YWHAE: variants seen among roughly 807,000 people sequenced by gnomAD.
YWHAE encodes the protein tyrosine 3-monooxygenase/tryptophan 5-monooxygenase activation protein epsilon.
A neutral mutation model predicts 30.1 loss-of-function variants in YWHAE; 4 were observed. The ratio of observed to expected loss-of-function variants is 0.13; its 90% CI spans 0.07 to 0.30. YWHAE has a LOEUF of 0.30. Among genes scored for constraint, YWHAE ranks in the 10% least tolerant of loss-of-function variants. YWHAE has a pLI of 1.00. For synonymous variants in YWHAE, 118 were observed against 111.8 expected, an observed-to-expected ratio of 1.06 and a Z score of -0.35; for missense variants, 121 against 315.9, an observed-to-expected ratio of 0.38 and a Z score of 4.68.
intron 1 of YWHAE, among the ~76,000 whole-genome samples, chr17:1,392,240 T>C (rs2073399307): frequency 1.3e-5 from 2 of 152,060 alleles, no homozygotes; most frequent in South Asian, 4.2e-4. Context: ...CCAGGTATTG[T>C]GGTGCACAGC....
At chr17:1,345,548 C>G (rs187793767) in intron 5 of YWHAE, 49 bp from the exon 6 acceptor site, 7 of 1,578,718 alleles carry the variant, frequency 4.4e-6, no homozygotes, top group Non-Finnish European at 6.1e-6. Context: ...CTACATTAGG[C>G]TATGGCAGCC....
At chr17:1,378,318 G>A (rs2073153859) in intron 1 of YWHAE, among the ~76,000 whole-genome samples, 1 of 152,198 alleles carries the variant, frequency 6.6e-6, no homozygotes. Flanking sequence ...CAAATAATCT[G>A]ATTCAGCTTG....
intron 2 of YWHAE, 95 bp from the exon 3 acceptor site, chr17:1,362,103 G>T: frequency 1.4e-6 from 1 of 693,802 alleles, no homozygotes; most frequent in Admixed American, 3.7e-5. Context: ...AGAGAGCTTA[G>T]TATTAAAAAG....
chr17:1,348,622 C>G (rs1212546988), intron 5 of YWHAE, among the ~76,000 whole-genome samples: 3 of 152,192 alleles, frequency 2.0e-5, no homozygotes, highest in Non-Finnish European at 4.4e-5. Flanking sequence ...GAAGTTTTAT[C>G]TTGCCCAAGC....
intron 1 of YWHAE, among the ~76,000 whole-genome samples, chr17:1,376,747 G>A (rs1250987287): frequency 6.6e-6 from 1 of 152,094 alleles, no homozygotes; most frequent in East Asian, 1.9e-4. Context: ...ATCATAAAAG[G>A]AGCAGGTCTC....
At chr17:1,357,692 G>A (rs899932070) in intron 4 of YWHAE, among the ~76,000 whole-genome samples, 6 of 151,786 alleles carry the variant, frequency 4.0e-5, no homozygotes, top group East Asian at 2.0e-4. Flanking sequence ...TTGGGAGGCC[G>A]AGGTGGCTGG....
intron 5 of YWHAE, among the ~76,000 whole-genome samples, chr17:1,351,753 T>C (rs2072637864): frequency 6.6e-6 from 1 of 152,040 alleles, no homozygotes; most frequent in Admixed American, 6.6e-5. Context: ...GAAGCATGCG[T>C]TGTCACACCT....
At chr17:1,373,852 G>A (rs1024907416) in intron 1 of YWHAE, among the ~76,000 whole-genome samples, 3 of 151,950 alleles carry the variant, frequency 2.0e-5, no homozygotes, top group African/African-American at 4.8e-5. Flanking sequence ...GTGTACCTAC[G>A]AACAGAGCCA....
Position 1,354,077 on chromosome 17 carries a change from T to C in YWHAE, c.715+134A>G, listed in dbSNP as rs549329491. The C allele has an allele frequency of 1.0e-5, 12 of 1,178,574 alleles. No individual in the cohort carries two copies. The African/African-American group carries it at 1.5e-4, about 15-fold the overall frequency. The allele number at this position is 1,178,574 out of a possible 1,614,324, so 73.0% of individuals were successfully genotyped here. A position where few individuals can be genotyped will look rare whatever the true frequency, so the allele number is the denominator to read the frequency against. ...GCACCATTTCCTATAAAGGCAGCAATTACAATTTCATAGAGGGCAGGCGGT... is the reference window on the plus strand; with the variant it reads ...GCACCATTTCCTATAAAGGCAGCAACTACAATTTCATAGAGGGCAGGCGGT... On this transcript the variant is annotated intron_variant, in intron 5 of 5. Transcript: ENST00000264335.
intron 5 of YWHAE, among the ~76,000 whole-genome samples, chr17:1,346,877 G>C (rs929268033): frequency 2.6e-5 from 4 of 151,264 alleles, no homozygotes; most frequent in African/African-American, 7.3e-5. Flanking sequence ...TGTAATCCCA[G>C]CTACCTGGGA....
chr17:1,348,458 G>A (rs2072562641), intron 5 of YWHAE, among the ~76,000 whole-genome samples: 1 of 152,086 alleles, frequency 6.6e-6, no homozygotes, highest in Non-Finnish European at 1.5e-5. Flanking sequence ...AAAATTAAAA[G>A]ACATAAATAC....
intron 1 of YWHAE, among the ~76,000 whole-genome samples, chr17:1,395,713 AT>A: frequency 6.6e-6 from 1 of 152,138 alleles, no homozygotes; most frequent in Middle Eastern, 3.4e-3. Context: ...ACTACTACCT[AT>A]TTTTTTCCTA....
intron 4 of YWHAE, among the ~76,000 whole-genome samples, chr17:1,355,033 C>T (rs1360116503): frequency 9.6e-6 from 1 of 104,684 alleles, no homozygotes; most frequent in African/African-American, 3.7e-5. Context: ...TGGACTTGAA[C>T]TCCTGCGTTC....
intron 1 of YWHAE, chr17:1,398,904 G>A (rs1204230516): frequency 2.0e-5 from 3 of 151,870 alleles, no homozygotes; most frequent in South Asian, 2.1e-4. Flanking sequence ...ATTTAAAACG[G>A]AAAAAAAGAA....
chr17:1,376,299 G>A (rs1401777050), intron 1 of YWHAE, among the ~76,000 whole-genome samples: 1 of 152,098 alleles, frequency 6.6e-6, no homozygotes, highest in African/African-American at 2.4e-5. Flanking sequence ...CCCAGGCATG[G>A]TGGCGTCTGC....
chr17:1,392,918 G>A (rs2073410230), intron 1 of YWHAE, among the ~76,000 whole-genome samples: 1 of 150,546 alleles, frequency 6.6e-6, no homozygotes, highest in Non-Finnish European at 1.5e-5. Context: ...CTAAGACAAA[G>A]GTGGCCGGGG....
chr17:1,400,184 C>T lies in YWHAE; in HGVS notation c.-74G>A. The T allele has an allele frequency of 6.3e-7, 1 of 1,579,650 alleles. No individual in the cohort carries two copies. Among genetic ancestry groups the T allele is most frequent in the Middle Eastern group, 1.7e-4 (1 of 5,970 alleles). ...TGTCTCCGACTCTCTCAGCCTCTCG[C>T]TCCGCGTCCGGGCAGCAAAAATGGC... On this transcript the variant is annotated 5_prime_UTR_variant, in exon 1 of 6. Coordinates refer to ENST00000264335, the MANE Select transcript of YWHAE (RefSeq NM_006761.5).
intron 1 of YWHAE, among the ~76,000 whole-genome samples, chr17:1,390,693 ACT>A (rs1450935151): frequency 6.6e-6 from 1 of 152,166 alleles, no homozygotes; most frequent in African/African-American, 2.4e-5. Context: ...TACTGTCATA[ACT>A]CTTACAGTAA....
intron 1 of YWHAE, among the ~76,000 whole-genome samples, chr17:1,393,632 T>C (rs894231083): frequency 2.6e-5 from 4 of 152,294 alleles, no homozygotes; most frequent in Admixed American, 2.6e-4. Context: ...GTTTTCACCA[T>C]GTTGGTCAGG....
Sources: allele counts gnomAD v4.1 joint callset (sites outside exome capture counted in the v4.1 genomes callset), GRCh38; gene constraint gnomAD v4.1.1; transcripts MANE v1.5; gene names NCBI Gene and HGNC (gene_info 2026-07-23, HGNC 2026-07-21).